The following OSBPL3 variants were observed in gnomAD, a reference collection of about 807,000 sequenced individuals.
The protein encoded by OSBPL3 is oxysterol binding protein like 3, also known as oxysterol-binding protein-related protein 3.
OSBPL3 carries 65 observed loss-of-function variants against 120.1 expected under a neutral mutation model. The observed-to-expected ratio is 0.54, with a 90% CI of 0.44 to 0.67. The LOEUF is 0.67. Ranked by LOEUF, OSBPL3 falls within the 30% of genes least tolerant of loss-of-function variation. The pLI, the probability that OSBPL3 is intolerant of heterozygous loss-of-function variation, is 0.00. For missense variants in OSBPL3, 1,004 were observed against 1,082.1 expected, an observed-to-expected ratio of 0.93 and a Z score of 1.01; for synonymous variants, 416 against 402.6, an observed-to-expected ratio of 1.03 and a Z score of -0.40.
chr7:24,917,033 G>A (rs920373902), intron 1 of OSBPL3, among the ~76,000 whole-genome samples: 1 of 152,088 alleles, frequency 6.6e-6, no homozygotes, highest in East Asian at 1.9e-4. Context: ...ATTCCCAGGA[G>A]TAGAGGGGGC....
At chr7:24,840,541 C>G in intron 14 of OSBPL3, 149 bp downstream of exon 14, 2 of 456,814 alleles carry the variant, frequency 4.4e-6, no homozygotes, top group Non-Finnish European at 7.7e-6. Context: ...GTAGTTACAT[C>G]TTTGGGGAGT....
At position 24,802,355 on chromosome 7, in the gene OSBPL3, G is replaced by T. The variant is rs759693637; in HGVS notation, c.2567+1960C>A. ...AGGTTTCTAATTTGAACAGTCCCAA[G>T]GAGGACTGCTACTGCTGAACAACTC... On this transcript the variant is annotated intron_variant, in intron 22 of 22. Coordinates refer to ENST00000313367, the MANE Select transcript of OSBPL3 (RefSeq NM_015550.4). The surrounding 1 kb of genome is among the most constrained non-coding windows in gnomAD (Gnocchi z 4.1). Among the ~76,000 whole-genome samples the T allele has an allele frequency of 4.6e-5, 7 of 152,130 alleles. No homozygotes were observed. Among genetic ancestry groups the T allele is most frequent in the Admixed American group, 1.3e-4 (2 of 15,268 alleles).
At position 24,815,475 on chromosome 7, in the gene OSBPL3, C is replaced by G. The variant is rs74482286; in HGVS notation, c.2028-272G>C. On this transcript the variant is annotated intron_variant, in intron 18 of 22. Transcript: ENST00000313367. This position sits in a 1 kb window ranked among gnomAD's most constrained non-coding sequence, Gnocchi z 5.1. ...ACTAGAAGCTGGTGGTCTCTTGGAA[C>G]AGCCCACTCCCTCCTTTGACAGAGG... 0.024 allele frequency among the ~76,000 whole-genome samples: 3,631 copies of G among 152,284 alleles called. 137 individuals are homozygous for G. Among genetic ancestry groups the G allele is most frequent in the African/African-American group, 0.082 (3,416 of 41,530 alleles).
chr7:24,922,364 C>G lies in OSBPL3; in HGVS notation c.-149-29743G>C, dbSNP rs766056650. On this transcript the variant is annotated intron_variant, in intron 1 of 22. Transcript: ENST00000313367. The surrounding 1 kb of genome is among the most constrained non-coding windows in gnomAD (Gnocchi z 4.3). Reference sequence around the variant, plus strand: ...ATGTGACCTTGAGCAAATCTGCTTCCTTGTGCCTTGATATTCTCAACCAGG... The same window carrying G: ...ATGTGACCTTGAGCAAATCTGCTTCGTTGTGCCTTGATATTCTCAACCAGG... 2.6e-5 allele frequency among the ~76,000 whole-genome samples: 4 copies of G among 152,144 alleles called. No homozygotes were observed. The highest frequency in any genetic ancestry group is 4.4e-5 in the Non-Finnish European group (3 of 68,018).
chr7:24,980,464 C>T (rs1319126812), upstream of OSBPL3, among the ~76,000 whole-genome samples: 9 of 152,092 alleles, frequency 5.9e-5, no homozygotes, highest in Middle Eastern at 3.4e-3. Context: ...GTGGGGCTCC[C>T]GGTGGCCCAG....
At chr7:24,931,163 G>A (rs1811743364) in intron 1 of OSBPL3, among the ~76,000 whole-genome samples, 1 of 152,144 alleles carries the variant, frequency 6.6e-6, no homozygotes, top group Admixed American at 6.5e-5. Flanking sequence ...CACAGAGGGA[G>A]GAGTATGAAT....
intron 19 of OSBPL3, among the ~76,000 whole-genome samples, chr7:24,811,007 T>A (rs1340209502): frequency 3.9e-5 from 6 of 152,254 alleles, no homozygotes; most frequent in Non-Finnish European, 7.3e-5. Context: ...AGGTATCTCT[T>A]TGACATACTG....
intron 1 of OSBPL3, among the ~76,000 whole-genome samples, chr7:24,960,803 TG>T (rs1815638345): frequency 6.6e-6 from 1 of 152,202 alleles, no homozygotes; most frequent in Non-Finnish European, 1.5e-5. Context: ...TCTTGGTCAA[TG>T]TACAAAACTG....
Position 24,806,984 on chromosome 7 carries a change from C to G in OSBPL3, c.2318-82G>C, listed in dbSNP as rs1186834624. ...AATTCCTTCACCTTTTTCGTCTCAGCCTAGCTACAATTTTTCTCTCTCAGC... is the reference window on the plus strand; with the variant it reads ...AATTCCTTCACCTTTTTCGTCTCAGGCTAGCTACAATTTTTCTCTCTCAGC... On this transcript the variant is annotated intron_variant, in intron 20 of 22. Coordinates refer to ENST00000313367, the MANE Select transcript of OSBPL3 (RefSeq NM_015550.4). The surrounding 1 kb of genome is among the most constrained non-coding windows in gnomAD (Gnocchi z 5.2). The G allele has an allele frequency of 3.1e-6, 4 of 1,288,310 alleles. No individual in the cohort carries two copies. The highest frequency in any genetic ancestry group is 3.2e-6 in the Non-Finnish European group (3 of 940,804). The allele number at this position is 1,288,310 out of a possible 1,614,324, so 79.8% of individuals were successfully genotyped here. A position where few individuals can be genotyped will look rare whatever the true frequency, so the allele number is the denominator to read the frequency against.
rs1799094927 is a variant in OSBPL3 at position 24,851,091 on chromosome 7, G to A, written c.1158+1413C>T. Reference sequence around the variant, plus strand: ...AGGCCTCTGTGGGAGGAGGCAGGGAGAGGAAGATCATGGGGAGAGGGACCT... The same window carrying A: ...AGGCCTCTGTGGGAGGAGGCAGGGAAAGGAAGATCATGGGGAGAGGGACCT... On this transcript the variant is annotated intron_variant, in intron 11 of 22. Coordinates refer to ENST00000313367, the MANE Select transcript of OSBPL3 (RefSeq NM_015550.4). This position sits in a 1 kb window ranked among gnomAD's most constrained non-coding sequence, Gnocchi z 4.1. 6.6e-6 allele frequency among the ~76,000 whole-genome samples: 1 copy of A among 152,204 alleles called. No individual in the cohort carries two copies. The highest frequency in any genetic ancestry group is 1.5e-5 in the Non-Finnish European group (1 of 68,046).
intron 10 of OSBPL3, among the ~76,000 whole-genome samples, chr7:24,860,546 A>T (rs1484353439): frequency 6.6e-6 from 1 of 152,172 alleles, no homozygotes; most frequent in Non-Finnish European, 1.5e-5. Context: ...GCTTTTCGTC[A>T]TCTGCCATGA....
intron 12 of OSBPL3, among the ~76,000 whole-genome samples, chr7:24,846,558 G>C (rs772644200): frequency 9.9e-5 from 15 of 152,180 alleles, no homozygotes; most frequent in Non-Finnish European, 1.8e-4. Context: ...ATGTAGTATG[G>C]TGTTACCTCC....
rs1797636773 is a variant in OSBPL3 at position 24,840,739 on chromosome 7, A to C, written c.1446T>G (p.Leu482=). 1 of 1,472,754 alleles carries C rather than the reference A, an allele frequency of 6.8e-7. No individual in the cohort carries two copies. Among genetic ancestry groups the C allele is most frequent in the Non-Finnish European group, 9.3e-7 (1 of 1,071,358 alleles). 91.2% of individuals were successfully genotyped at this position (1,472,754 alleles called of 1,614,324 possible). The part of the protein sequence containing the change: ...DSYVSDISDN[L]SLDNLSNDLD... ...AATCATTACTGAGATTATCTAAGGA[A>C]AGATTATCACTTATGTCACTGACAT... Residue 482 remains leucine (L), a synonymous_variant, in exon 14 of 23, where the codon CTT becomes CTG. Transcript: ENST00000313367.
At chr7:24,961,294 T>C (rs1395884000) in intron 1 of OSBPL3, among the ~76,000 whole-genome samples, 3 of 152,230 alleles carry the variant, frequency 2.0e-5, no homozygotes, top group African/African-American at 4.8e-5. Flanking sequence ...ATTAGACCAG[T>C]ATCTGACTAG....
At chr7:24,886,044 T>C (rs1804483309) in intron 2 of OSBPL3, among the ~76,000 whole-genome samples, 1 of 152,220 alleles carries the variant, frequency 6.6e-6, no homozygotes, top group Non-Finnish European at 1.5e-5. Context: ...TTAACCCACT[T>C]AATGTATCTA....
At chr7:24,814,720 C>G (rs987098391) in intron 19 of OSBPL3, among the ~76,000 whole-genome samples, 1 of 152,190 alleles carries the variant, frequency 6.6e-6, no homozygotes, top group Non-Finnish European at 1.5e-5. Context: ...GGCGATCTCG[C>G]AGAAGTGGAA....
chr7:24,959,018 C>T lies in OSBPL3; in HGVS notation c.-150+20868G>A, dbSNP rs1269470562. On this transcript the variant is annotated intron_variant, in intron 1 of 22. Coordinates refer to ENST00000313367, the MANE Select transcript of OSBPL3 (RefSeq NM_015550.4). This position sits in a 1 kb window ranked among gnomAD's most constrained non-coding sequence, Gnocchi z 4.3. ...ATTAAGGGGATTACAGACTTCTTTT[C>T]TATAATCCATGAATTGTAAGTTTTA... Among the ~76,000 whole-genome samples the T allele has an allele frequency of 6.6e-6, 1 of 152,100 alleles. No individual in the cohort carries two copies. Among genetic ancestry groups the T allele is most frequent in the Non-Finnish European group, 1.5e-5 (1 of 67,998 alleles).
chr7:24,902,574 T>A (rs780333931), intron 1 of OSBPL3, among the ~76,000 whole-genome samples: 7 of 152,128 alleles, frequency 4.6e-5, no homozygotes, highest in Non-Finnish European at 7.4e-5. Context: ...AACTGCTGCA[T>A]CTTAAGGTAG....
intron 9 of OSBPL3, 115 bp from the exon 10 acceptor site, chr7:24,861,884 CTTTTTT>C (rs11324094): frequency 7.0e-5 from 21 of 300,038 alleles, no homozygotes; most frequent in Middle Eastern, 9.7e-4. Context: ...ATAGGTAGGT[CTTTTTT>C]TTTTTTTTTT....
Sources: allele counts gnomAD v4.1 joint callset (sites outside exome capture counted in the v4.1 genomes callset), GRCh38; gene constraint gnomAD v4.1.1; non-coding constraint Gnocchi (gnomAD v3.1); transcripts MANE v1.5; gene names NCBI Gene and HGNC (gene_info 2026-07-23, HGNC 2026-07-21).